Variants in JMJD1C observed in about 807,000 individuals in gnomAD.
JMJD1C encodes jumonji domain containing 1C.
A neutral mutation model predicts 245.3 loss-of-function variants in JMJD1C; 31 were observed. That is an observed-to-expected ratio of 0.13 (90% CI 0.09 to 0.17). JMJD1C has a LOEUF of 0.17. Among genes scored for constraint, JMJD1C ranks in the 10% least tolerant of loss-of-function variants. JMJD1C has a pLI of 1.00. For missense variants in JMJD1C, 2,691 were observed against 3,000.2 expected (o/e 0.90, Z 2.41); for synonymous variants, 1,057 against 1,017.4 (o/e 1.04, Z -0.74).
chr10:63,257,226 CAAAAAAA>C (rs71025139), intron 3 of JMJD1C, among the ~76,000 whole-genome samples: 15 of 92,618 alleles, frequency 1.6e-4, no homozygotes, highest in Non-Finnish European at 1.1e-4. Context: ...GACTTCATCT[CAAAAAAA>C]AAAAAAAAAA....
chr10:63,484,240 A>ATGGATGGATG (rs1564963367), intron 1 of JMJD1C, among the ~76,000 whole-genome samples: 16 of 12,054 alleles, frequency 1.3e-3, no homozygotes, highest in African/African-American at 2.4e-3. Context: ...ATGGATGGAT[A>ATGGATGGATG]GATAGATAGA....
At chr10:63,352,133 G>C (rs997729693) in intron 2 of JMJD1C, among the ~76,000 whole-genome samples, 4 of 152,198 alleles carry the variant, frequency 2.6e-5, no homozygotes, top group African/African-American at 9.7e-5. Flanking sequence ...ATAGGAATTA[G>C]CAGATACAGA....
chr10:63,199,849 G>A (rs2133074932), intron 11 of JMJD1C, among the ~76,000 whole-genome samples: 1 of 152,264 alleles, frequency 6.6e-6, no homozygotes, highest in Admixed American at 6.5e-5. Context: ...GATAATTACA[G>A]CTAACAATAG....
chr10:63,206,815 G>C lies in JMJD1C; in HGVS notation c.4854C>G (p.Ala1618=), dbSNP rs754772661. 1 of 1,601,538 alleles carries C rather than the reference G, an allele frequency of 6.2e-7. No homozygotes were observed. The highest frequency in any genetic ancestry group is 1.7e-5 in the Admixed American group (1 of 57,218). ...VKDDKVNRRK[A]KRTYESGSES... is the part of the protein sequence containing the mutation. ...CAGAGCCAGATTCATAAGTTCTTTTGGCTTTTCTCCTGTTGACTTTATCAT... is the reference window on the plus strand; with the variant it reads ...CAGAGCCAGATTCATAAGTTCTTTTCGCTTTTCTCCTGTTGACTTTATCAT... The change falls in exon 10 of 26, where the codon GCC becomes GCG. Residue 1618 remains alanine, a synonymous_variant. Transcript: ENST00000399262.
chr10:63,280,672 T>C (rs1453054337), intron 2 of JMJD1C, among the ~76,000 whole-genome samples: 2 of 152,258 alleles, frequency 1.3e-5, no homozygotes, highest in East Asian at 1.9e-4. Context: ...GATTTTAATA[T>C]TATCTTGTTC....
chr10:63,380,985 A>G (rs1369808754), intron 1 of JMJD1C, among the ~76,000 whole-genome samples: 8 of 152,260 alleles, frequency 5.3e-5, no homozygotes, highest in Admixed American at 1.3e-4. Context: ...TTGCAACACT[A>G]TTCCTAAGAG....
At chr10:63,170,985 T>C (rs976217877) in intron 24 of JMJD1C, among the ~76,000 whole-genome samples, 2 of 152,202 alleles carry the variant, frequency 1.3e-5, no homozygotes, top group African/African-American at 4.8e-5. Flanking sequence ...GGAAGGTTAT[T>C]ATATTGACAC....
chr10:63,479,673 C>T (rs1953769161), intron 1 of JMJD1C, among the ~76,000 whole-genome samples: 1 of 152,228 alleles, frequency 6.6e-6, no homozygotes, highest in South Asian at 2.1e-4. Flanking sequence ...CCCCATATTT[C>T]CTGTAAAGTG....
At chr10:63,328,467 T>C (rs925282849) in intron 2 of JMJD1C, among the ~76,000 whole-genome samples, 1 of 152,200 alleles carries the variant, frequency 6.6e-6, no homozygotes, top group Non-Finnish European at 1.5e-5. Context: ...ATTTCATAAA[T>C]GAGGTGAATA....
At chr10:63,415,686 C>T (rs1177827825) in intron 1 of JMJD1C, among the ~76,000 whole-genome samples, 1 of 152,094 alleles carries the variant, frequency 6.6e-6, no homozygotes, top group African/African-American at 2.4e-5. Context: ...AAAACAGTTA[C>T]AAAACTGTAA....
intron 16 of JMJD1C, among the ~76,000 whole-genome samples, 174 bp from the exon 17 acceptor site, chr10:63,191,282 C>T (rs1469580314): frequency 6.6e-6 from 1 of 152,132 alleles, no homozygotes; most frequent in Non-Finnish European, 1.5e-5. Flanking sequence ...CAGGCATGTG[C>T]CACCAGGCCC....
At chr10:63,346,576 T>TA (rs1454084963) in intron 2 of JMJD1C, among the ~76,000 whole-genome samples, 1 of 152,196 alleles carries the variant, frequency 6.6e-6, no homozygotes, top group African/African-American at 2.4e-5. Flanking sequence ...GCAAATAAAC[T>TA]ATAACCAATT....
At chr10:63,424,627 C>T (rs1047446519) in intron 1 of JMJD1C, among the ~76,000 whole-genome samples, 1 of 151,262 alleles carries the variant, frequency 6.6e-6, no homozygotes, top group Non-Finnish European at 1.5e-5. Flanking sequence ...CTACCTCAGC[C>T]TCCCAAGTAG....
chr10:63,245,461 G>T (rs1442741087), intron 3 of JMJD1C, among the ~76,000 whole-genome samples: 1 of 144,116 alleles, frequency 6.9e-6, no homozygotes, highest in African/African-American at 2.6e-5. Flanking sequence ...AAGAGAGGGA[G>T]CTTCTGCAGG....
intron 3 of JMJD1C, among the ~76,000 whole-genome samples, chr10:63,242,461 C>T (rs760721377): frequency 1.3e-5 from 2 of 152,184 alleles, no homozygotes; most frequent in Non-Finnish European, 2.9e-5. Context: ...GTGGCTCATA[C>T]CTGTAATCCC....
chr10:63,299,887 GT>G (rs562533327), intron 2 of JMJD1C, among the ~76,000 whole-genome samples: 51 of 144,966 alleles, frequency 3.5e-4, no homozygotes, highest in Non-Finnish European at 4.3e-4. Context: ...TGAATTTTCA[GT>G]TTTTTTTTTT....
Position 63,217,225 on chromosome 10 carries a change from C to T in JMJD1C, c.660G>A (p.Met220Ile), listed in dbSNP as rs759024993. The T allele has an allele frequency of 5.0e-6, 8 of 1,610,600 alleles. No homozygotes were observed. The highest frequency in any genetic ancestry group is 1.7e-5 in the Admixed American group (1 of 59,428). The change falls in exon 5 of 26, where the codon ATG (methionine) becomes ATA (isoleucine). Residue 220 changes from methionine (M) to isoleucine (I), a missense_variant. Around this residue, in one of 9 missense-constraint regions of JMJD1C, gnomAD observed 172 missense variants for 240.8 expected, o/e 0.71. Transcript: ENST00000399262. ...ITHHDLFTRT[M>I]IVMNDQVLEP... ...TATTTACCTGATCATTCATAACGAT[C>T]ATGGTGCGGGTGAAGAGATCATGAT...
chr10:63,237,851 T>A (rs1219043238), intron 3 of JMJD1C, among the ~76,000 whole-genome samples: 1 of 151,310 alleles, frequency 6.6e-6, no homozygotes, highest in Non-Finnish European at 1.5e-5. Context: ...AACCTGTACA[T>A]AAGAAATGTG....
At chr10:63,348,875 T>TG (rs1944082465) in intron 2 of JMJD1C, among the ~76,000 whole-genome samples, 1 of 151,678 alleles carries the variant, frequency 6.6e-6, no homozygotes, top group Non-Finnish European at 1.5e-5. Context: ...CCAAGGCGGG[T>TG]GGATCACCTC....
Sources: gnomAD v4.1 joint callset for allele counts (sites outside exome capture counted in the v4.1 genomes callset) on GRCh38, gnomAD v4.1.1 for gene constraint, gnomAD v4.1.1 regional missense constraint, MANE v1.5 for transcripts, NCBI Gene and HGNC (gene_info 2026-07-23, HGNC 2026-07-21) for gene names.